CSMD1: variants seen among roughly 807,000 people sequenced by gnomAD.
The protein encoded by CSMD1 is CUB and sushi domain-containing protein 1.
In CSMD1, 213 loss-of-function variants were observed where a neutral mutation model predicts 417.5. The observed-to-expected ratio is 0.51, with a 90% CI of 0.46 to 0.57. The LOEUF (loss-of-function observed/expected upper bound fraction) is 0.57. Among genes scored for constraint, CSMD1 ranks in the 20% least tolerant of loss-of-function variants. The pLI is 0.00. For synonymous variants in CSMD1, 2,862 were observed against 1,736.8 expected, an observed-to-expected ratio of 1.65 and a Z score of -16.11; for missense variants, 6,923 against 4,529.7, an observed-to-expected ratio of 1.53 and a Z score of -15.17.
intron 5 of CSMD1, among the ~76,000 whole-genome samples, chr8:3,946,775 T>A (rs902135802): frequency 6.6e-6 from 1 of 152,188 alleles, no homozygotes; most frequent in African/African-American, 2.4e-5. Context: ...GCATGCAGTC[T>A]TGCATGTATC....
At chr8:3,652,867 G>A (rs945258794) in intron 7 of CSMD1, among the ~76,000 whole-genome samples, 2 of 152,174 alleles carry the variant, frequency 1.3e-5, no homozygotes, top group East Asian at 1.9e-4. Context: ...AACAGAGGGT[G>A]CACACAGTCA....
chr8:3,377,650 A>T (rs187050084), intron 18 of CSMD1, among the ~76,000 whole-genome samples: 8 of 152,232 alleles, frequency 5.3e-5, no homozygotes, highest in East Asian at 1.9e-4. Flanking sequence ...ACCTCCAGGA[A>T]TTCTTACTGT....
At chr8:4,730,554 C>CA (rs1373787782) in intron 1 of CSMD1, among the ~76,000 whole-genome samples, 1 of 151,942 alleles carries the variant, frequency 6.6e-6, no homozygotes, top group Non-Finnish European at 1.5e-5. Flanking sequence ...TCCTGGCTAA[C>CA]ACGGTGAAAC....
At chr8:4,264,447 G>A (rs1477214219) in intron 3 of CSMD1, among the ~76,000 whole-genome samples, 1 of 152,014 alleles carries the variant, frequency 6.6e-6, no homozygotes, top group Admixed American at 6.6e-5. Context: ...ACAAATTACT[G>A]GTACACAAAT....
intron 7 of CSMD1, among the ~76,000 whole-genome samples, chr8:3,626,683 T>C (rs2117226507): frequency 6.6e-6 from 1 of 151,528 alleles, no homozygotes; most frequent in South Asian, 2.1e-4. Flanking sequence ...TACATTCCAA[T>C]ACAGTAAATA....
chr8:4,050,036 A>C (rs980925397), intron 3 of CSMD1, among the ~76,000 whole-genome samples: 1 of 152,116 alleles, frequency 6.6e-6, no homozygotes, highest in Non-Finnish European at 1.5e-5. Context: ...GCGGCCAGAT[A>C]TTCTGTGGAA....
At chr8:3,522,407 G>A (rs1175939049) in intron 10 of CSMD1, among the ~76,000 whole-genome samples, 3 of 152,134 alleles carry the variant, frequency 2.0e-5, no homozygotes, top group African/African-American at 7.2e-5. Context: ...CATTTCGTGT[G>A]GGGGTTTTGT....
At chr8:3,399,091 C>A (rs1396033695) in intron 16 of CSMD1, among the ~76,000 whole-genome samples, 1 of 152,112 alleles carries the variant, frequency 6.6e-6, no homozygotes, top group Non-Finnish European at 1.5e-5. Context: ...AGACATCAAG[C>A]TGAATTGATT....
intron 3 of CSMD1, among the ~76,000 whole-genome samples, chr8:4,306,755 T>C (rs913167901): frequency 2.0e-5 from 3 of 152,104 alleles, no homozygotes; most frequent in South Asian, 2.1e-4. Flanking sequence ...AGCAGGGTAG[T>C]GTTCTGGTGC....
At chr8:3,911,049 AG>A (rs147116120) in intron 5 of CSMD1, among the ~76,000 whole-genome samples, 2,596 of 152,286 alleles carry the variant, frequency 0.017, 27 homozygotes, top group Middle Eastern at 0.027. Context: ...GGGACACTCC[AG>A]AACTCTAGAA....
intron 2 of CSMD1, among the ~76,000 whole-genome samples, chr8:4,468,096 T>A (rs912616943): frequency 8.5e-5 from 13 of 152,194 alleles, no homozygotes; most frequent in African/African-American, 2.4e-4. Flanking sequence ...ACTGTTCTGA[T>A]GAACCGCTTT....
intron 2 of CSMD1, among the ~76,000 whole-genome samples, chr8:4,636,768 T>G (rs1802835401): frequency 1.3e-5 from 2 of 152,214 alleles, no homozygotes; most frequent in African/African-American, 4.8e-5. Context: ...CTTCAAGTTT[T>G]CTGTATAGTA....
rs1331095084 is a variant in CSMD1, at chr8:3,118,469, T to C, written c.6360A>G (p.Ile2120Met). ...SFECYPGYIL[I>M]GHPVLTCQHG... is the part of the protein sequence containing the mutation. Reference sequence around the variant, plus strand: ...GCTGACAAGTGAGGACAGGATGGCCTATTAGAATGTACCCAGGATAACACT... The same window carrying C: ...GCTGACAAGTGAGGACAGGATGGCCCATTAGAATGTACCCAGGATAACACT... Residue 2120 changes from isoleucine to methionine, a missense_variant, in exon 42 of 70, where the codon ATA becomes ATG. Ile to Met is a conservative substitution (Grantham distance 10). Transcript: ENST00000635120. 1.2e-6 allele frequency: 2 copies of C among 1,613,932 alleles called. No homozygotes were observed.
chr8:3,828,505 A>T (rs547457648), intron 5 of CSMD1, among the ~76,000 whole-genome samples: 1 of 152,172 alleles, frequency 6.6e-6, no homozygotes, highest in Non-Finnish European at 1.5e-5. Context: ...GTGTTTCCCA[A>T]ACACTAGTTA....
intron 17 of CSMD1, among the ~76,000 whole-genome samples, chr8:3,394,654 T>C (rs919029733): frequency 2.0e-5 from 3 of 152,058 alleles, no homozygotes; most frequent in South Asian, 2.1e-4. Context: ...TGGGAGAGGA[T>C]GAGAAAATAC....
Position 3,451,496 on chromosome 8 carries a change from G to C in CSMD1, c.1561+17216C>G, listed in dbSNP as rs561848187. On this transcript the variant is annotated intron_variant, in intron 12 of 69. Transcript: ENST00000635120. ...TCATCTTGAATTAATTTTTGTATAA[G>C]GTGTAAGGAAGGGATTCAGTTTCGT... Among the ~76,000 whole-genome samples, 207 of 152,268 alleles carry C rather than the reference G, an allele frequency of 1.4e-3. 1 individual carries two copies. Among genetic ancestry groups the C allele is most frequent in the Non-Finnish European group, 2.0e-3 (134 of 68,032 alleles).
chr8:4,295,412 A>C (rs1350864788), intron 3 of CSMD1, among the ~76,000 whole-genome samples: 1 of 144,584 alleles, frequency 6.9e-6, no homozygotes, highest in Non-Finnish European at 1.5e-5. Flanking sequence ...ATATAATCTT[A>C]TTATACACAT....
At chr8:4,214,187 G>C (rs952423865) in intron 3 of CSMD1, among the ~76,000 whole-genome samples, 2 of 152,062 alleles carry the variant, frequency 1.3e-5, no homozygotes, top group Non-Finnish European at 1.5e-5. Context: ...TCTTTACATA[G>C]GATACGGCTC....
chr8:3,160,373 T>C (rs1304992446), intron 38 of CSMD1, among the ~76,000 whole-genome samples: 2 of 152,160 alleles, frequency 1.3e-5, no homozygotes, highest in Non-Finnish European at 2.9e-5. Context: ...TCCTCTGACT[T>C]TGGAATCCCA....
Sources: gnomAD v4.1 joint callset for allele counts (sites outside exome capture counted in the v4.1 genomes callset) on GRCh38, gnomAD v4.1.1 for gene constraint, MANE v1.5 for transcripts, NCBI Gene and HGNC (gene_info 2026-07-23, HGNC 2026-07-21) for gene names.